LANCL1: variants seen among roughly 807,000 people sequenced by gnomAD.
LANCL1 encodes the protein glutathione S-transferase LANCL1.
LANCL1 carries 50 observed loss-of-function variants against 50.6 expected under a neutral mutation model. The ratio of observed to expected loss-of-function variants is 0.99; its 90% confidence interval spans 0.79 to 1.25. The LOEUF is 1.25. LANCL1 is among the 50% of genes most tolerant of loss of function. The pLI is 0.00. For synonymous variants in LANCL1, 188 were observed against 178.6 expected (o/e 1.05, Z -0.42); for missense variants, 532 against 480.7 (o/e 1.11, Z -1.00).
At chr2:210,437,355 G>A (rs1042519993) in intron 7 of LANCL1, among the ~76,000 whole-genome samples, 2 of 152,084 alleles carry the variant, frequency 1.3e-5, no homozygotes, top group African/African-American at 4.8e-5. Flanking sequence ...TGAATACTTG[G>A]ATTATTTTCA....
chr2:210,461,305 G>T (rs537003987), intron 3 of LANCL1, among the ~76,000 whole-genome samples: 1 of 152,078 alleles, frequency 6.6e-6, no homozygotes, highest in Non-Finnish European at 1.5e-5. Context: ...AACACCTCTG[G>T]CTGGGTGGGA....
At chr2:210,468,857 GA>G (rs1694146992) in intron 3 of LANCL1, 1 of 152,172 alleles carries the variant, frequency 6.6e-6, no homozygotes, top group Non-Finnish European at 1.5e-5. Flanking sequence ...TCTTTTACAA[GA>G]GAAAAATACA....
chr2:210,470,218 CA>C (rs2105926629), intron 3 of LANCL1, among the ~76,000 whole-genome samples: 1 of 152,246 alleles, frequency 6.6e-6, no homozygotes, highest in East Asian at 1.9e-4. Flanking sequence ...TAATAAATGG[CA>C]GCTGTTATAC....
intron 4 of LANCL1, among the ~76,000 whole-genome samples, chr2:210,449,254 C>G (rs1293998828): frequency 6.6e-6 from 1 of 152,218 alleles, no homozygotes; most frequent in East Asian, 1.9e-4. Context: ...ACAAAAACCA[C>G]ATGACTATCT....
chr2:210,476,022 A>G (rs974792836), intron 2 of LANCL1, among the ~76,000 whole-genome samples: 5 of 152,252 alleles, frequency 3.3e-5, no homozygotes, highest in African/African-American at 1.2e-4. Context: ...AAGCAAACCA[A>G]AATACATTAA....
At chr2:210,476,274 T>C in intron 2 of LANCL1, 42 bp downstream of exon 2, 2 of 1,465,216 alleles carry the variant, frequency 1.4e-6, no homozygotes, top group Non-Finnish European at 1.9e-6. Flanking sequence ...CCGAACACCG[T>C]GGGGAGAGGC....
rs758537861 is a variant in LANCL1 at position 210,455,239 on chromosome 2, A to T, written c.275T>A (p.Val92Glu). The part of the protein sequence containing the change: ...PAYLQLAHGY[V>E]KQSLNCLTKR... ...GGTTAAGCAGTTCAGACTTTGCTTT[A>T]CATAGCCATGTGCTAACTGTAGGTA... The change falls in exon 4 of 10, where the codon GTA becomes GAA. Residue 92 changes from valine to glutamate, a missense_variant. Physicochemically the swap from Val to Glu is moderately radical, Grantham distance 121. Transcript: ENST00000450366. 5.0e-6 allele frequency: 8 copies of T among 1,613,570 alleles called. No individual in the cohort carries two copies. In the African/African-American group the frequency reaches 1.1e-4, roughly 22 times the overall value.
At chr2:210,441,205 T>C (rs1693118928) in intron 5 of LANCL1, 103 bp downstream of exon 5, 2 of 1,184,342 alleles carry the variant, frequency 1.7e-6, no homozygotes, top group African/African-American at 1.5e-5. Context: ...TACACCTTCC[T>C]TTATATGGAA....
chr2:210,464,984 A>C (rs1420650210), intron 3 of LANCL1, among the ~76,000 whole-genome samples: 1 of 113,222 alleles, frequency 8.8e-6, no homozygotes, highest in Non-Finnish European at 1.7e-5. Context: ...AAAAAAAAAA[A>C]AAAAAAACTT....
chr2:210,468,312 T>A (rs1461672382), intron 3 of LANCL1: 1 of 151,866 alleles, frequency 6.6e-6, no homozygotes, highest in Non-Finnish European at 1.5e-5. Context: ...GGTAAATTTA[T>A]CCCCCCAAAA....
chr2:210,437,805 T>C lies in LANCL1; in HGVS notation c.758A>G (p.Gln253Arg). The C allele has an allele frequency of 6.2e-7, 1 of 1,613,690 alleles. No homozygotes were observed. The highest frequency in any genetic ancestry group is 2.2e-5 in the East Asian group (1 of 44,822). The change falls in exon 7 of 10, where the codon CAG (glutamine) becomes CGG (arginine). Residue 253 changes from glutamine (Q) to arginine (R), a missense_variant. Physicochemically the swap from Gln to Arg is conservative, Grantham distance 43. Coordinates refer to ENST00000450366, the MANE Select transcript of LANCL1 (RefSeq NM_006055.3). Reference sequence around the variant, plus strand: ...GTAATTGCCAGAAGGGAATTTCAGCTGGCAGACGTAGTCTACACTGGGCTT... The same window carrying C: ...GTAATTGCCAGAAGGGAATTTCAGCCGGCAGACGTAGTCTACACTGGGCTT... ...LVKPSVDYVC[Q>R]LKFPSGNYPP...
chr2:210,476,009 A>G (rs1010769588), intron 2 of LANCL1, among the ~76,000 whole-genome samples: 3 of 152,218 alleles, frequency 2.0e-5, no homozygotes, highest in African/African-American at 7.2e-5. Context: ...ACCTCTTTTT[A>G]AGAAGCAAAC....
rs143538630 is a variant in LANCL1 at position 210,455,313 on chromosome 2, A to C, written c.201T>G (p.Gly67=). 263 of 1,366,342 alleles carry C rather than the reference A, an allele frequency of 1.9e-4. No homozygotes were observed. Among genetic ancestry groups the C allele is most frequent in the Non-Finnish European group, 2.5e-4 (257 of 1,020,688 alleles). 84.6% of individuals were successfully genotyped at this position (1,366,342 alleles called of 1,614,324 possible). The change falls in exon 4 of 10, where the codon GGT becomes GGG. Residue 67 remains glycine (G), a splice_region_variant and synonymous_variant. Transcript: ENST00000450366. ...RDGTGYTGWA[G]IAVLYLHLYD... is the part of the protein sequence containing the mutation. Reference sequence around the variant, plus strand: ...AAAGATGTAAGTAAAGCACAGCAATACCTGAAAAAAAAAAAAGGAAACAAT... The same window carrying C: ...AAAGATGTAAGTAAAGCACAGCAATCCCTGAAAAAAAAAAAAGGAAACAAT...
intron 8 of LANCL1, 25 bp from the exon 9 acceptor site, chr2:210,435,484 A>G: frequency 6.3e-7 from 1 of 1,589,970 alleles, no homozygotes; most frequent in Non-Finnish European, 8.6e-7. Flanking sequence ...AAGTTAAATT[A>G]GTATAGTGAT....
chr2:210,438,382 A>G (rs1693012187), intron 6 of LANCL1, among the ~76,000 whole-genome samples: 4 of 151,884 alleles, frequency 2.6e-5, no homozygotes, highest in Non-Finnish European at 5.9e-5. Context: ...TGATCCGCCC[A>G]CCTTGGCCTC....
intron 4 of LANCL1, among the ~76,000 whole-genome samples, chr2:210,452,092 A>G (rs1482604818): frequency 6.6e-6 from 1 of 152,172 alleles, no homozygotes; most frequent in Non-Finnish European, 1.5e-5. Context: ...TTTTTTGAAA[A>G]TAAATAGTGC....
upstream of LANCL1, chr2:210,477,400 C>T (rs1354158015): frequency 1.8e-6 from 1 of 549,524 alleles, no homozygotes; most frequent in Admixed American, 5.2e-5. Context: ...AATGTTTTAA[C>T]AGTCCCTGCT....
chr2:210,437,560 A>T (rs1692975784), intron 7 of LANCL1, 130 bp downstream of exon 7: 1 of 524,344 alleles, frequency 1.9e-6, no homozygotes, highest in Non-Finnish European at 3.2e-6. Context: ...ATTATAATTC[A>T]TTTAGTAAAG....
At chr2:210,457,010 T>A (rs1693693472) in intron 3 of LANCL1, among the ~76,000 whole-genome samples, 1 of 152,226 alleles carries the variant, frequency 6.6e-6, no homozygotes, top group African/African-American at 2.4e-5. Context: ...TTCTTTTTGA[T>A]AGGCAGAGAA....
Sources: allele counts gnomAD v4.1 joint callset (sites outside exome capture counted in the v4.1 genomes callset), GRCh38; gene constraint gnomAD v4.1.1; transcripts MANE v1.5; gene names NCBI Gene and HGNC (gene_info 2026-07-23, HGNC 2026-07-21).